Variants in CHSY3 observed in about 807,000 individuals in gnomAD.
CHSY3 encodes chondroitin sulfate synthase 3.
CHSY3 carries 35 observed loss-of-function variants against 67.2 expected under a neutral mutation model. The observed-to-expected ratio is 0.52, with a 90% CI of 0.40 to 0.69. The LOEUF (loss-of-function observed/expected upper bound fraction) is 0.69, where lower values mean the gene tolerates loss of function less well. CHSY3 is among the 30% of genes least tolerant of loss of function. The pLI is 0.00. For missense variants in CHSY3, 1,069 were observed against 1,138.5 expected (o/e 0.94, Z 0.88); for synonymous variants, 474 against 434.7 (o/e 1.09, Z -1.12).
intron 2 of CHSY3, among the ~76,000 whole-genome samples, chr5:130,025,292 A>G (rs4240410): frequency 0.61 from 92,720 of 151,860 alleles, 28,542 homozygotes; most frequent in African/African-American, 0.69. Context: ...AATTAGCCAT[A>G]TGAAAAATCC....
At chr5:130,099,480 CA>C (rs1198634934) in intron 2 of CHSY3, among the ~76,000 whole-genome samples, 1 of 152,116 alleles carries the variant, frequency 6.6e-6, no homozygotes, top group African/African-American at 2.4e-5. Flanking sequence ...ATTAGTCAAA[CA>C]ATGACAATGA....
intron 2 of CHSY3, among the ~76,000 whole-genome samples, chr5:130,074,171 A>G (rs1170981480): frequency 6.6e-6 from 1 of 152,090 alleles, no homozygotes; most frequent in African/African-American, 2.4e-5. Context: ...TCCAGGTTCA[A>G]GTGATTCCTG....
intron 2 of CHSY3, among the ~76,000 whole-genome samples, chr5:130,056,841 G>GAGT (rs1300055126): frequency 3.3e-5 from 5 of 151,004 alleles, no homozygotes; most frequent in Non-Finnish European, 5.9e-5. Flanking sequence ...AGGACCATGT[G>GAGT]AGTCAATACT....
chr5:130,069,248 T>C (rs1242158795), intron 2 of CHSY3, among the ~76,000 whole-genome samples: 2 of 152,032 alleles, frequency 1.3e-5, no homozygotes, highest in African/African-American at 4.8e-5. Flanking sequence ...TTTGAAGCTA[T>C]AAGACTATGT....
chr5:129,970,073 C>A (rs1241428159), intron 2 of CHSY3, among the ~76,000 whole-genome samples: 1 of 151,800 alleles, frequency 6.6e-6, no homozygotes. Context: ...TCTTTAGTTC[C>A]CCACTTGAAG....
At chr5:130,169,194 C>G (rs1014543428) in intron 2 of CHSY3, among the ~76,000 whole-genome samples, 1 of 152,040 alleles carries the variant, frequency 6.6e-6, no homozygotes, top group Non-Finnish European at 1.5e-5. Flanking sequence ...ACTATGTTCT[C>G]CTCTGTACCT....
At chr5:129,979,022 C>A (rs1452224644) in intron 2 of CHSY3, among the ~76,000 whole-genome samples, 2 of 151,056 alleles carry the variant, frequency 1.3e-5, no homozygotes, top group Non-Finnish European at 3.0e-5. Context: ...CACGGTGAAA[C>A]CCCCTGTCTA....
At chr5:130,096,722 G>A (rs1039708602) in intron 2 of CHSY3, among the ~76,000 whole-genome samples, 11 of 151,546 alleles carry the variant, frequency 7.3e-5, no homozygotes, top group African/African-American at 2.7e-4. Context: ...TTTTTTAAAT[G>A]AGCAACCACC....
chr5:129,990,049 GT>G (rs1467610673), intron 2 of CHSY3, among the ~76,000 whole-genome samples: 1 of 151,844 alleles, frequency 6.6e-6, no homozygotes, highest in African/African-American at 2.4e-5. Context: ...AGATAATCAA[GT>G]TAAAAATGAT....
chr5:129,935,296 A>G (rs549031880), intron 2 of CHSY3, among the ~76,000 whole-genome samples: 21 of 152,296 alleles, frequency 1.4e-4, no homozygotes, highest in African/African-American at 4.8e-4. Context: ...GAAATATGAA[A>G]TAAGAAGATC....
chr5:129,905,249 C>A lies in CHSY3; in HGVS notation c.420C>A (p.Gly140=). The A allele has an allele frequency of 6.9e-7, 1 of 1,455,258 alleles. No homozygotes were observed. The allele number at this position is 1,455,258 out of a possible 1,614,324, so 90.1% of individuals were successfully genotyped here. The change falls in exon 1 of 3, where the codon GGC becomes GGA. Residue 140 remains glycine, a synonymous_variant. Coordinates refer to ENST00000305031, the MANE Select transcript of CHSY3 (RefSeq NM_175856.5). ...GGGAGCCCGAGGAGGAGGACGGGGG[C>A]GCGGCTGGGCAGCGGAGAGACGGCC... ...AEGEPEEEDG[G]AAGQRRDGRP...
intron 2 of CHSY3, among the ~76,000 whole-genome samples, chr5:129,931,599 G>A (rs2436451): frequency 0.94 from 143,426 of 152,180 alleles, 67,694 homozygotes; most frequent in East Asian, 0.99. Flanking sequence ...TTCCAGATGT[G>A]TAGGTGATGT....
chr5:129,905,673 G>T (rs1443178569), intron 1 of CHSY3, 42 bp downstream of exon 1: 5 of 1,600,046 alleles, frequency 3.1e-6, no homozygotes, highest in Middle Eastern at 1.7e-4. Context: ...CAGTCTCCCC[G>T]ACTCCTTTCT....
At chr5:129,957,616 C>G (rs964802421) in intron 2 of CHSY3, among the ~76,000 whole-genome samples, 1 of 151,878 alleles carries the variant, frequency 6.6e-6, no homozygotes, top group African/African-American at 2.4e-5. Context: ...TATTTTTTTC[C>G]TCATACTTTG....
chr5:129,944,675 A>G (rs1761800118), intron 2 of CHSY3, among the ~76,000 whole-genome samples: 1 of 152,114 alleles, frequency 6.6e-6, no homozygotes, highest in Admixed American at 6.6e-5. Context: ...CCACAGATAT[A>G]TTTTAACTAT....
At chr5:129,911,281 G>A (rs1159143577) in intron 2 of CHSY3, among the ~76,000 whole-genome samples, 1 of 152,022 alleles carries the variant, frequency 6.6e-6, no homozygotes, top group Non-Finnish European at 1.5e-5. Flanking sequence ...CTCTGTGTTT[G>A]TATATACTAT....
intron 2 of CHSY3, among the ~76,000 whole-genome samples, chr5:130,094,972 G>T (rs1464688773): frequency 6.6e-6 from 1 of 152,108 alleles, no homozygotes; most frequent in African/African-American, 2.4e-5. Flanking sequence ...CCACTGTTAA[G>T]AGTAAGAAGT....
chr5:130,042,248 T>A (rs1765026007), intron 2 of CHSY3, among the ~76,000 whole-genome samples: 3 of 152,050 alleles, frequency 2.0e-5, no homozygotes, highest in South Asian at 2.1e-4. Flanking sequence ...AATTTTTTTT[T>A]AAATCTCCTC....
In CHSY3 at chr5:129,908,188, G is replaced by C; in HGVS notation, c.914G>C (p.Gly305Ala). Residue 305 changes from glycine (G) to alanine (A), a missense_variant, in exon 2 of 3, where the codon GGG becomes GCG. Physicochemically the swap from Gly to Ala is moderately conservative, Grantham distance 60 (BLOSUM62 0). Coordinates refer to ENST00000305031, the MANE Select transcript of CHSY3 (RefSeq NM_175856.5). ...CTTGGAAAGCTGGGACTGGAGCCTG[G>C]GGAAAACTTCTGTATGGGAGGACCT... ...EELGKLGLEPGENFCMGGPGM... is the reference protein window; with the variant it reads ...EELGKLGLEPAENFCMGGPGM... The C allele has an allele frequency of 6.2e-7, 1 of 1,614,194 alleles. No homozygotes were observed.
Sources: gnomAD v4.1 joint callset for allele counts (sites outside exome capture counted in the v4.1 genomes callset) on GRCh38, gnomAD v4.1.1 for gene constraint, MANE v1.5 for transcripts, NCBI Gene and HGNC (gene_info 2026-07-23, HGNC 2026-07-21) for gene names.